Variants in DOCK3 observed in about 807,000 individuals in gnomAD.
DOCK3 encodes dedicator of cytokinesis 3.
In DOCK3, 60 loss-of-function variants were observed where a neutral mutation model predicts 265.6. That is an observed-to-expected ratio of 0.23 (90% CI 0.18 to 0.28). The LOEUF is 0.28. Ranked by LOEUF, DOCK3 falls within the 10% of genes least tolerant of loss-of-function variation. The pLI, the probability that DOCK3 is intolerant of heterozygous loss-of-function variation, is 1.00. For synonymous variants in DOCK3, 881 were observed against 938.0 expected, an observed-to-expected ratio of 0.94 and a Z score of 1.11; for missense variants, 1,981 against 2,594.3, an observed-to-expected ratio of 0.76 and a Z score of 5.14.
chr3:50,969,924 T>TAGCTG (rs931894206), intron 5 of DOCK3, among the ~76,000 whole-genome samples: 1 of 152,058 alleles, frequency 6.6e-6, no homozygotes, highest in Non-Finnish European at 1.5e-5. Flanking sequence ...CAAAAAAACT[T>TAGCTG]AGCTGGGCAT....
chr3:51,077,056 A>G (rs2082080163), intron 7 of DOCK3, among the ~76,000 whole-genome samples: 1 of 152,220 alleles, frequency 6.6e-6, no homozygotes, highest in Non-Finnish European at 1.5e-5. Flanking sequence ...TAGAGAGAAT[A>G]TAAAATGCAA....
chr3:50,843,881 C>T (rs1291015684), intron 3 of DOCK3, among the ~76,000 whole-genome samples: 2 of 152,036 alleles, frequency 1.3e-5, no homozygotes, highest in Admixed American at 6.6e-5. Flanking sequence ...TTTATGGAAC[C>T]AGTTATTTAG....
At chr3:50,873,871 C>T (rs78848524) in intron 3 of DOCK3, among the ~76,000 whole-genome samples, 20,137 of 152,150 alleles carry the variant, frequency 0.13, 1,764 homozygotes, top group Non-Finnish European at 0.18. Flanking sequence ...TGTTTCTCCC[C>T]CAGCATACAG....
chr3:50,911,372 C>G (rs2049844191), intron 4 of DOCK3, among the ~76,000 whole-genome samples: 1 of 152,190 alleles, frequency 6.6e-6, no homozygotes, highest in Admixed American at 6.5e-5. Flanking sequence ...TTGTTCTACA[C>G]ATGGATAGTT....
chr3:50,869,261 G>A (rs1431604694), intron 3 of DOCK3, among the ~76,000 whole-genome samples: 5 of 149,224 alleles, frequency 3.4e-5, no homozygotes, highest in Admixed American at 2.7e-4. Flanking sequence ...GGCGTGAGCC[G>A]CTGCGCCCAG....
At chr3:50,978,182 G>C (rs1411977632) in intron 5 of DOCK3, among the ~76,000 whole-genome samples, 1 of 150,352 alleles carries the variant, frequency 6.7e-6, no homozygotes, top group African/African-American at 2.4e-5. Context: ...TTCCATTGCT[G>C]GTGAGGAACT....
At chr3:51,273,577 A>T (rs2080635602) in intron 24 of DOCK3, among the ~76,000 whole-genome samples, 4 of 152,346 alleles carry the variant, frequency 2.6e-5, no homozygotes, top group Admixed American at 2.0e-4. Context: ...TCATCTACAT[A>T]GTGCAGTATC....
chr3:51,200,536 C>A (rs1045203695), intron 12 of DOCK3, among the ~76,000 whole-genome samples: 13 of 150,412 alleles, frequency 8.6e-5, no homozygotes, highest in African/African-American at 2.5e-4. Context: ...AAGACCAAAT[C>A]TACGTCTGAT....
chr3:50,766,567 G>C (rs2040891462), intron 1 of DOCK3, among the ~76,000 whole-genome samples: 1 of 152,064 alleles, frequency 6.6e-6, no homozygotes, highest in Non-Finnish European at 1.5e-5. Flanking sequence ...ATTGTGAATA[G>C]TGCCGCAATA....
At chr3:50,736,779 C>T (rs1285838661) in intron 1 of DOCK3, among the ~76,000 whole-genome samples, 1 of 149,206 alleles carries the variant, frequency 6.7e-6, no homozygotes. Flanking sequence ...TCACTGCAAG[C>T]TCCGCCTCCC....
chr3:51,182,849 C>G (rs111334088), intron 12 of DOCK3, among the ~76,000 whole-genome samples: 1 of 152,306 alleles, frequency 6.6e-6, no homozygotes, highest in African/African-American at 2.4e-5. Context: ...TAGACAGAAG[C>G]AGAATTGTTT....
intron 1 of DOCK3, among the ~76,000 whole-genome samples, chr3:50,749,016 G>T (rs2039624685): frequency 6.6e-6 from 1 of 151,894 alleles, no homozygotes; most frequent in Admixed American, 6.6e-5. Flanking sequence ...GATACTTCCT[G>T]CCTGCCTGCC....
intron 22 of DOCK3, among the ~76,000 whole-genome samples, chr3:51,257,574 A>G (rs760080581): frequency 6.6e-6 from 1 of 152,212 alleles, no homozygotes; most frequent in East Asian, 1.9e-4. Context: ...ATTCCAAAAC[A>G]ATAGCACACT....
chr3:50,781,780 A>G (rs1263259114), intron 2 of DOCK3, among the ~76,000 whole-genome samples: 1 of 151,986 alleles, frequency 6.6e-6, no homozygotes, highest in East Asian at 1.9e-4. Context: ...GCCTCTTCCT[A>G]CCTTCCATTC....
chr3:51,362,208 C>T (rs2086788891), intron 48 of DOCK3, among the ~76,000 whole-genome samples: 1 of 152,206 alleles, frequency 6.6e-6, no homozygotes, highest in South Asian at 2.1e-4. Flanking sequence ...GAAGAAAATC[C>T]AGCTTCAGTC....
At chr3:50,927,926 G>C (rs978817125) in intron 4 of DOCK3, among the ~76,000 whole-genome samples, 1 of 152,040 alleles carries the variant, frequency 6.6e-6, no homozygotes, top group Admixed American at 6.6e-5. Context: ...AGCAGTAGAC[G>C]AGAGTTTTTC....
chr3:51,155,301 T>C (rs1225768499), intron 10 of DOCK3, among the ~76,000 whole-genome samples: 2 of 152,090 alleles, frequency 1.3e-5, no homozygotes, highest in East Asian at 1.9e-4. Context: ...TTTAAAAAGG[T>C]CCGAAACATG....
intron 5 of DOCK3, among the ~76,000 whole-genome samples, chr3:50,945,296 G>A (rs945221768): frequency 2.0e-5 from 3 of 152,048 alleles, no homozygotes; most frequent in African/African-American, 7.2e-5. Context: ...ATTTAAGTGG[G>A]TATGTATGAT....
At chr3:51,200,590 A>G (rs1287208355) in intron 12 of DOCK3, among the ~76,000 whole-genome samples, 3 of 151,974 alleles carry the variant, frequency 2.0e-5, no homozygotes, top group Admixed American at 6.6e-5. Context: ...CAAGCGGGAA[A>G]ACACTCTGCA....
Sources: gnomAD v4.1 joint callset for allele counts (sites outside exome capture counted in the v4.1 genomes callset) on GRCh38, gnomAD v4.1.1 for gene constraint, MANE v1.5 for transcripts, NCBI Gene and HGNC (gene_info 2026-07-23, HGNC 2026-07-21) for gene names.